The following PARP1 variants were observed in gnomAD, a reference collection of about 807,000 sequenced individuals.
PARP1 encodes poly [ADP-ribose] polymerase 1.
Under a neutral mutation model 118.7 loss-of-function variants are expected in PARP1, and 44 were observed. That is an observed-to-expected ratio of 0.37 (90% CI 0.29 to 0.48). The LOEUF (loss-of-function observed/expected upper bound fraction) is 0.48, where lower values mean the gene tolerates loss of function less well. Ranked by LOEUF, PARP1 falls within the 20% of genes least tolerant of loss-of-function variation. PARP1 has a pLI of 0.99. For synonymous variants in PARP1, 492 were observed against 483.2 expected, an observed-to-expected ratio of 1.02 and a Z score of -0.24; for missense variants, 1,100 against 1,272.4, an observed-to-expected ratio of 0.86 and a Z score of 2.06.
chr1:226,361,264 C>G lies in PARP1; in HGVS notation c.*196G>C. The stretch of plus-strand genomic sequence containing the variant: ...CAAAAACAACCCCAAAACAACCCCT[C>G]CCCACAGACACAACACAAAACAAGG... On this transcript the variant is annotated 3_prime_UTR_variant, in exon 23 of 23. Transcript: ENST00000366794. The G allele has an allele frequency of 1.6e-6, 1 of 642,212 alleles. No homozygotes were observed. Among genetic ancestry groups the G allele is most frequent in the Non-Finnish European group, 2.8e-6 (1 of 352,808 alleles). The allele number at this position is 642,212 out of a possible 1,614,324, so 39.8% of individuals were successfully genotyped here. A position where few individuals can be genotyped will look rare whatever the true frequency, so the allele number is the denominator to read the frequency against.
chr1:226,400,248 A>G (rs1576403414), intron 2 of PARP1, among the ~76,000 whole-genome samples: 1 of 152,170 alleles, frequency 6.6e-6, no homozygotes, highest in African/African-American at 2.4e-5. Context: ...GCAGTGAGCC[A>G]AGACCATGCC....
At position 226,370,555 on chromosome 1, in the gene PARP1, C is replaced by T. The variant is rs775356127; in HGVS notation, c.2071-38G>A. 1.7e-5 allele frequency: 26 copies of T among 1,527,800 alleles called. No individual in the cohort carries two copies. In the South Asian group the frequency reaches 2.7e-4, roughly 16 times the overall value. The allele number at this position is 1,527,800 out of a possible 1,614,324, so 94.6% of individuals were successfully genotyped here. ...GGGATTTCGCTCTGAAAGCTGGGCA[C>T]TGTGCAGTGTGATCGCAGGAGAGCT... On this transcript the variant is annotated intron_variant, in intron 14 of 22. Coordinates refer to ENST00000366794, the MANE Select transcript of PARP1 (RefSeq NM_001618.4).
At chr1:226,381,317 T>A in intron 8 of PARP1, 109 bp from the exon 9 acceptor site, 1 of 1,289,736 alleles carries the variant, frequency 7.8e-7, no homozygotes, top group Non-Finnish European at 1.1e-6. Flanking sequence ...GGGAAAAGCC[T>A]ATGAAAATAC....
intron 20 of PARP1, among the ~76,000 whole-genome samples, chr1:226,363,407 T>C (rs1182931002): frequency 1.3e-5 from 2 of 152,160 alleles, no homozygotes; most frequent in Non-Finnish European, 2.9e-5. Context: ...CAAGGCCCTA[T>C]TTGGAGTGGT....
At chr1:226,401,949 C>A in intron 2 of PARP1, 1 of 1,434,276 alleles carries the variant, frequency 7.0e-7, no homozygotes, top group Non-Finnish European at 9.1e-7. Flanking sequence ...TTACTTTTGC[C>A]ATGAACAAAA....
chr1:226,397,251 T>C (rs908131793), intron 2 of PARP1, among the ~76,000 whole-genome samples: 2 of 151,562 alleles, frequency 1.3e-5, no homozygotes, highest in Non-Finnish European at 2.9e-5. Context: ...AGCCCAGGAG[T>C]TAGAAACTGC....
In PARP1 at chr1:226,380,046, G is replaced by A; in HGVS notation, c.1419C>T (p.Phe473=). The change falls in exon 10 of 23, where the codon TTC becomes TTT. Residue 473 remains phenylalanine (F), a synonymous_variant. Coordinates refer to ENST00000366794, the MANE Select transcript of PARP1 (RefSeq NM_001618.4). ...CCCAAGGGGACAAGATGTGCGCTAA[G>A]AACAACTCCTGAAGGCTCTTGGTGG... ...SASTKSLQEL[F]LAHILSPWGA... 6.2e-7 allele frequency: 1 copy of A among 1,614,228 alleles called. No homozygotes were observed. The highest frequency in any genetic ancestry group is 8.5e-7 in the Non-Finnish European group (1 of 1,180,046).
chr1:226,403,192 CT>C, intron 1 of PARP1, among the ~76,000 whole-genome samples: 1 of 152,220 alleles, frequency 6.6e-6, no homozygotes, highest in East Asian at 1.9e-4. Flanking sequence ...GCCTCGAGCA[CT>C]GTCTGGCTTT....
At chr1:226,372,400 C>T (rs1664403866) in intron 14 of PARP1, among the ~76,000 whole-genome samples, 1 of 152,210 alleles carries the variant, frequency 6.6e-6, no homozygotes, top group Non-Finnish European at 1.5e-5. Flanking sequence ...GGCTGGGGGC[C>T]ATGGCTCATG....
intron 2 of PARP1, among the ~76,000 whole-genome samples, chr1:226,400,676 G>C (rs1198654909): frequency 6.6e-6 from 1 of 152,152 alleles, no homozygotes; most frequent in Non-Finnish European, 1.5e-5. Flanking sequence ...GGGACTGAGA[G>C]TCCTCCCGCC....
intron 5 of PARP1, 97 bp from the exon 6 acceptor site, chr1:226,386,539 C>T: frequency 1.2e-6 from 1 of 833,936 alleles, no homozygotes; most frequent in Non-Finnish European, 2.1e-6. Flanking sequence ...CCAGTTATAC[C>T]CTTGTGCACC....
chr1:226,374,460 A>G, intron 13 of PARP1, 106 bp from the exon 14 acceptor site: 1 of 1,354,266 alleles, frequency 7.4e-7, no homozygotes, highest in East Asian at 2.3e-5. Context: ...CTAGAGTGCC[A>G]CCAGCAAAAA....
chr1:226,404,390 C>T (rs1015819233), intron 1 of PARP1, among the ~76,000 whole-genome samples: 1 of 152,234 alleles, frequency 6.6e-6, no homozygotes, highest in South Asian at 2.1e-4. Flanking sequence ...ATGGCCTCGA[C>T]CTGGCTCTGC....
At chr1:226,403,209 T>A (rs1011097321) in intron 1 of PARP1, among the ~76,000 whole-genome samples, 5 of 152,254 alleles carry the variant, frequency 3.3e-5, no homozygotes, top group African/African-American at 9.6e-5. Context: ...GCTTTGTTTT[T>A]GAGACCGAGT....
At chr1:226,397,792 A>G (rs1664953543) in intron 2 of PARP1, among the ~76,000 whole-genome samples, 1 of 152,314 alleles carries the variant, frequency 6.6e-6, no homozygotes, top group South Asian at 2.1e-4. Flanking sequence ...CAGTCAACAC[A>G]GTGTGGTACT....
chr1:226,396,654 T>A (rs552568722), intron 2 of PARP1, among the ~76,000 whole-genome samples: 2 of 152,352 alleles, frequency 1.3e-5, no homozygotes, highest in East Asian at 3.9e-4. Flanking sequence ...GGTAGTATCC[T>A]AACTGTATGG....
rs933683551 is a variant in PARP1 at position 226,388,767 on chromosome 1, A to C, written c.618-12T>G. 1 of 1,600,880 alleles carries C rather than the reference A, an allele frequency of 6.2e-7. No homozygotes were observed. The highest frequency in any genetic ancestry group is 8.6e-7 in the Non-Finnish European group (1 of 1,168,086). ...CGCCTTTTCTCTTTCTGAAGGAGAC[A>C]CAGGATATGAGAGACAGCCAGAGCC... On this transcript the variant is annotated splice_polypyrimidine_tract_variant and intron_variant, in intron 4 of 22. Coordinates refer to ENST00000366794, the MANE Select transcript of PARP1 (RefSeq NM_001618.4).
At position 226,379,146 on chromosome 1, in the gene PARP1, T is replaced by C; in HGVS notation, c.1741A>G (p.Asn581Asp). The C allele has an allele frequency of 1.2e-6, 2 of 1,614,190 alleles. No homozygotes were observed. Among genetic ancestry groups the C allele is most frequent in the Non-Finnish European group, 1.7e-6 (2 of 1,180,034 alleles). ...KLQLLEDDKE[N>D]RYWIFRSWGR... ...GGCTACACCTGCAGAACTCACCTGT[T>C]TTCCTTGTCGTCCTCCAGAAGCTGC... is the stretch of plus-strand genomic sequence containing the variant. Residue 581 changes from asparagine to aspartate, a missense_variant, in exon 12 of 23, where the codon AAC becomes GAC. By Grantham distance (23) the Asn-to-Asp change is conservative. Around this residue, in one of 2 missense-constraint regions of PARP1, gnomAD observed 948 missense variants for 1,031.8 expected, o/e 0.92. Coordinates refer to ENST00000366794, the MANE Select transcript of PARP1 (RefSeq NM_001618.4).
intron 2 of PARP1, 48 bp from the exon 3 acceptor site, chr1:226,392,362 G>A (rs1445875312): frequency 7.4e-7 from 1 of 1,359,270 alleles, no homozygotes; most frequent in Non-Finnish European, 1.1e-6. Flanking sequence ...GCCCCAAAAT[G>A]CAGCTCAGAG....
Sources: allele counts gnomAD v4.1 joint callset (sites outside exome capture counted in the v4.1 genomes callset), GRCh38; gene constraint gnomAD v4.1.1; regional missense constraint gnomAD v4.1.1; transcripts MANE v1.5; gene names NCBI Gene and HGNC (gene_info 2026-07-23, HGNC 2026-07-21).